Variants in SESTD1 observed in about 807,000 individuals in gnomAD.
The protein encoded by SESTD1 is SEC14 domain and spectrin repeat-containing protein 1.
In SESTD1, 43 loss-of-function variants were observed where a neutral mutation model predicts 101.7. The observed-to-expected ratio is 0.42, with a 90% CI of 0.33 to 0.55. The LOEUF (loss-of-function observed/expected upper bound fraction) is 0.55. SESTD1 is among the 20% of genes least tolerant of loss of function. The pLI is 0.07. For synonymous variants in SESTD1, 283 were observed against 286.8 expected, an observed-to-expected ratio of 0.99 and a Z score of 0.13; for missense variants, 647 against 815.1, an observed-to-expected ratio of 0.79 and a Z score of 2.51.
intron 5 of SESTD1, among the ~76,000 whole-genome samples, chr2:179,156,734 T>C (rs1456006087): frequency 6.6e-6 from 1 of 152,218 alleles, no homozygotes; most frequent in Non-Finnish European, 1.5e-5. Flanking sequence ...CTTTATCAGA[T>C]GTATAGATTG....
chr2:179,260,350 T>C (rs1047343055), intron 1 of SESTD1, among the ~76,000 whole-genome samples: 1 of 152,106 alleles, frequency 6.6e-6, no homozygotes, highest in African/African-American at 2.4e-5. Context: ...ACTTCATCTC[T>C]ACAAAAAATG....
intron 17 of SESTD1, among the ~76,000 whole-genome samples, chr2:179,111,868 C>T (rs1396157839): frequency 1.3e-5 from 2 of 152,042 alleles, no homozygotes; most frequent in Admixed American, 6.5e-5. Context: ...TACAGGCACC[C>T]GCCACCACGC....
At chr2:179,219,773 T>C (rs1383682430) in intron 1 of SESTD1, among the ~76,000 whole-genome samples, 1 of 152,222 alleles carries the variant, frequency 6.6e-6, no homozygotes, top group Admixed American at 6.5e-5. Context: ...TGCAACAATA[T>C]TGACAGTTGT....
At chr2:179,191,940 A>C in intron 1 of SESTD1, 74 bp from the exon 2 acceptor site, 1 of 1,037,768 alleles carries the variant, frequency 9.6e-7, no homozygotes, top group Admixed American at 2.2e-5. Flanking sequence ...ATGATGGTTT[A>C]TCCCAGAGTT....
chr2:179,206,787 T>C (rs2046596343), intron 1 of SESTD1, among the ~76,000 whole-genome samples: 1 of 133,724 alleles, frequency 7.5e-6, no homozygotes, highest in Non-Finnish European at 1.6e-5. Flanking sequence ...GTTTTCTCAA[T>C]GTGAAGGCTT....
At chr2:179,126,707 T>C (rs1332518504) in intron 10 of SESTD1, among the ~76,000 whole-genome samples, 1 of 152,090 alleles carries the variant, frequency 6.6e-6, no homozygotes, top group African/African-American at 2.4e-5. Context: ...CAGATACTGA[T>C]ACCCAACTGC....
Position 179,106,659 on chromosome 2 carries a change from A to T in SESTD1, c.*3240T>A, listed in dbSNP as rs1208228298. On this transcript the variant is annotated 3_prime_UTR_variant, in exon 18 of 18. Transcript: ENST00000428443. ...ACACATGGGAGCAATAGCCAATGTA[A>T]ATTTGTATAAAGTGAGAAGTATTCA... is the stretch of plus-strand genomic sequence containing the variant. The T allele has an allele frequency of 1.3e-5, 2 of 152,164 alleles. No homozygotes were observed. Among genetic ancestry groups the T allele is most frequent in the African/African-American group, 2.4e-5 (1 of 41,446 alleles). 9.4% of individuals were successfully genotyped at this position (152,164 alleles called of 1,614,324 possible). A position where few individuals can be genotyped will look rare whatever the true frequency, so the allele number is the denominator to read the frequency against.
chr2:179,149,456 T>C (rs2045471256), intron 6 of SESTD1, 62 bp from the exon 7 acceptor site: 3 of 1,169,484 alleles, frequency 2.6e-6, no homozygotes, highest in Non-Finnish European at 3.6e-6. Flanking sequence ...GTAATAAGGA[T>C]TGTCAGTTAA....
At chr2:179,240,361 C>A (rs192370662) in intron 1 of SESTD1, among the ~76,000 whole-genome samples, 251 of 152,168 alleles carry the variant, frequency 1.6e-3, no homozygotes, top group South Asian at 0.016. Flanking sequence ...TTTTCCTATT[C>A]CTCTCACTAA....
At chr2:179,199,562 T>A (rs1021122678) in intron 1 of SESTD1, among the ~76,000 whole-genome samples, 1 of 152,118 alleles carries the variant, frequency 6.6e-6, no homozygotes, top group Non-Finnish European at 1.5e-5. Flanking sequence ...CTCAATAAAA[T>A]ACTGGCAAAC....
Position 179,107,557 on chromosome 2 carries a change from GTTA to G in SESTD1, c.*2339_*2341del, listed in dbSNP as rs2044410826. ...AACAGATATTGAGTATTGATATTTA[GTTA>G]TTGAGTATAACTAAATATCTAAAGT... On this transcript the variant is annotated 3_prime_UTR_variant, in exon 18 of 18. Transcript: ENST00000428443. 1 of 152,022 alleles carries G rather than the reference GTTA, an allele frequency of 6.6e-6. No individual in the cohort carries two copies. The highest frequency in any genetic ancestry group is 1.5e-5 in the Non-Finnish European group (1 of 67,982). The allele number at this position is 152,022 out of a possible 1,614,324, so 9.4% of individuals were successfully genotyped here.
intron 1 of SESTD1, among the ~76,000 whole-genome samples, chr2:179,193,154 G>GA (rs58092815): frequency 6.7e-6 from 1 of 150,050 alleles, no homozygotes. Context: ...AGATGTTGAG[G>GA]AAAAAAAAAG....
At chr2:179,216,713 T>C (rs1293192281) in intron 1 of SESTD1, among the ~76,000 whole-genome samples, 2 of 134,930 alleles carry the variant, frequency 1.5e-5, no homozygotes, top group Non-Finnish European at 3.2e-5. Context: ...GTAGGCATCA[T>C]GTTACCAGAC....
chr2:179,137,698 G>A (rs2045182011), intron 9 of SESTD1, among the ~76,000 whole-genome samples: 1 of 152,130 alleles, frequency 6.6e-6, no homozygotes, highest in Admixed American at 6.6e-5. Context: ...TTTGAACTGT[G>A]GGGGAATCAC....
intron 9 of SESTD1, among the ~76,000 whole-genome samples, chr2:179,133,440 A>T (rs1025726713): frequency 2.0e-5 from 3 of 152,194 alleles, no homozygotes; most frequent in Admixed American, 2.0e-4. Flanking sequence ...TTAAGCAAAG[A>T]TCAAGTTCTC....
At position 179,109,539 on chromosome 2, in the gene SESTD1, A is replaced by C; in HGVS notation, c.*360T>G. The stretch of plus-strand genomic sequence containing the variant: ...AATTTACTAAATCACCTGTGGAGGA[A>C]GGGCAACTTTTTTTTTTCTTTTTAA... On this transcript the variant is annotated 3_prime_UTR_variant, in exon 18 of 18. Transcript: ENST00000428443. 2.5e-6 allele frequency: 1 copy of C among 394,166 alleles called. No individual in the cohort carries two copies. The allele number at this position is 394,166 out of a possible 1,614,324, so 24.4% of individuals were successfully genotyped here. A position where few individuals can be genotyped will look rare whatever the true frequency, so the allele number is the denominator to read the frequency against.
chr2:179,185,861 T>C, intron 2 of SESTD1, among the ~76,000 whole-genome samples: 1 of 134,092 alleles, frequency 7.5e-6, no homozygotes, highest in East Asian at 2.2e-4. Context: ...CAATATAGTA[T>C]GTTATATACA....
chr2:179,195,468 A>G (rs1187218035), intron 1 of SESTD1, among the ~76,000 whole-genome samples: 4 of 152,208 alleles, frequency 2.6e-5, no homozygotes, highest in Admixed American at 1.3e-4. Flanking sequence ...TTTACAAATT[A>G]CCCAGTCTCA....
At chr2:179,245,167 C>G (rs2047210591) in intron 1 of SESTD1, among the ~76,000 whole-genome samples, 1 of 152,026 alleles carries the variant, frequency 6.6e-6, no homozygotes, top group Non-Finnish European at 1.5e-5. Flanking sequence ...CCAGCCTGGG[C>G]AACACAGCAT....
Sources: gnomAD v4.1 joint callset for allele counts (sites outside exome capture counted in the v4.1 genomes callset) on GRCh38, gnomAD v4.1.1 for gene constraint, MANE v1.5 for transcripts, NCBI Gene and HGNC (gene_info 2026-07-23, HGNC 2026-07-21) for gene names.